The following THRB variants were observed in gnomAD, a reference collection of about 807,000 sequenced individuals.
The protein encoded by THRB is nuclear receptor subfamily 1 group A member 2.
A neutral mutation model predicts 47.8 loss-of-function variants in THRB; 12 were observed. That is an observed-to-expected ratio of 0.25 (90% CI 0.16 to 0.41). The LOEUF is 0.41. Ranked by LOEUF, THRB falls within the 10% of genes least tolerant of loss-of-function variation. THRB has a pLI of 1.00. For synonymous variants in THRB, 218 were observed against 212.2 expected (o/e 1.03, Z -0.24); for missense variants, 348 against 589.2 (o/e 0.59, Z 4.24).
At chr3:24,390,789 A>ATAT (rs2066499569) in intron 1 of THRB, among the ~76,000 whole-genome samples, 1 of 60,848 alleles carries the variant, frequency 1.6e-5, no homozygotes, top group South Asian at 6.5e-4. Context: ...CTTTGTAAAA[A>ATAT]AAAAAAAAAT....
At chr3:24,435,475 G>A (rs1418675126) in intron 1 of THRB, among the ~76,000 whole-genome samples, 1 of 152,098 alleles carries the variant, frequency 6.6e-6, no homozygotes, top group Admixed American at 6.6e-5. Context: ...ACAGAAATGG[G>A]CACCACAGAG....
intron 4 of THRB, 29 bp downstream of exon 4, chr3:24,228,909 A>G (rs760763084): frequency 6.2e-7 from 1 of 1,600,336 alleles, no homozygotes; most frequent in South Asian, 1.1e-5. Context: ...ATGGAGGCAC[A>G]CAAAGAAAAT....
At chr3:24,160,543 C>A (rs182764170) in intron 5 of THRB, among the ~76,000 whole-genome samples, 1 of 152,264 alleles carries the variant, frequency 6.6e-6, no homozygotes, top group Non-Finnish European at 1.5e-5. Flanking sequence ...TGAGGAAATT[C>A]TCTACAACAG....
At chr3:24,230,369 A>G (rs2048130558) in intron 3 of THRB, among the ~76,000 whole-genome samples, 1 of 152,230 alleles carries the variant, frequency 6.6e-6, no homozygotes, top group African/African-American at 2.4e-5. Flanking sequence ...GTACTCAACA[A>G]TATATGTTGA....
At chr3:24,451,346 G>A (rs1270505664) in intron 1 of THRB, among the ~76,000 whole-genome samples, 1 of 148,106 alleles carries the variant, frequency 6.8e-6, no homozygotes, top group African/African-American at 2.5e-5. Flanking sequence ...CGATTCTCCT[G>A]CCTCAGCCTC....
At chr3:24,485,656 C>A (rs1697183030) in intron 1 of THRB, among the ~76,000 whole-genome samples, 1 of 152,208 alleles carries the variant, frequency 6.6e-6, no homozygotes, top group South Asian at 2.1e-4. Context: ...GCTCCAATGG[C>A]CTCATTTATA....
At chr3:24,383,069 C>T (rs535363586) in intron 1 of THRB, among the ~76,000 whole-genome samples, 1 of 152,236 alleles carries the variant, frequency 6.6e-6, no homozygotes, top group East Asian at 1.9e-4. Context: ...AACTCACGTA[C>T]TCTTTTATGT....
intron 2 of THRB, among the ~76,000 whole-genome samples, chr3:24,303,106 C>T (rs1348778309): frequency 6.6e-6 from 1 of 152,208 alleles, no homozygotes; most frequent in Non-Finnish European, 1.5e-5. Flanking sequence ...CAACTAAAAT[C>T]ACAGGGACCC....
At chr3:24,468,536 AC>A (rs2074322373) in intron 1 of THRB, among the ~76,000 whole-genome samples, 1 of 152,184 alleles carries the variant, frequency 6.6e-6, no homozygotes, top group South Asian at 2.1e-4. Context: ...TTGTAGGGTT[AC>A]TAACTGGCCT....
chr3:24,323,501 T>C (rs971018483), intron 2 of THRB, among the ~76,000 whole-genome samples: 4 of 152,264 alleles, frequency 2.6e-5, no homozygotes, highest in Non-Finnish European at 4.4e-5. Context: ...GTACAGATTC[T>C]GATTCATTAG....
At chr3:24,331,267 T>A (rs991834853) in intron 2 of THRB, among the ~76,000 whole-genome samples, 23 of 150,762 alleles carry the variant, frequency 1.5e-4, no homozygotes, top group Non-Finnish European at 3.3e-4. Context: ...AATTAAAAAA[T>A]TAAAGACAAA....
chr3:24,377,479 A>G (rs1418461455), intron 1 of THRB, among the ~76,000 whole-genome samples: 1 of 152,080 alleles, frequency 6.6e-6, no homozygotes, highest in Non-Finnish European at 1.5e-5. Context: ...ACAGGAAGTG[A>G]GTCTGTTCTA....
chr3:24,438,527 G>GACA (rs2071211962), intron 1 of THRB, among the ~76,000 whole-genome samples: 1 of 151,530 alleles, frequency 6.6e-6, no homozygotes, highest in Non-Finnish European at 1.5e-5. Flanking sequence ...GTGTGTGTGT[G>GACA]TGTGTGTGTG....
chr3:24,479,446 G>T (rs1331415978), intron 1 of THRB, among the ~76,000 whole-genome samples: 1 of 152,220 alleles, frequency 6.6e-6, no homozygotes, highest in Non-Finnish European at 1.5e-5. Context: ...GAACACGGGG[G>T]CATGGTAGAG....
In THRB at chr3:24,118,052, C is replaced by G. The variant is rs375618611; in HGVS notation, c.*4832G>C. 1 of 152,270 alleles carries G rather than the reference C, an allele frequency of 6.6e-6. No homozygotes were observed. Among genetic ancestry groups the G allele is most frequent in the African/African-American group, 2.4e-5 (1 of 41,438 alleles). The allele number at this position is 152,270 out of a possible 1,614,324, so 9.4% of individuals were successfully genotyped here. A position where few individuals can be genotyped will look rare whatever the true frequency, so the allele number is the denominator to read the frequency against. ...AGTTTCTTCTCTCCCTCCATAGTTT[C>G]TTCTCAAGTAAATTTGCTTATTCTA... On this transcript the variant is annotated 3_prime_UTR_variant, in exon 11 of 11. Coordinates refer to ENST00000646209, the MANE Select transcript of THRB (RefSeq NM_001354712.2).
At chr3:24,128,512 A>C (rs751066080) in intron 9 of THRB, among the ~76,000 whole-genome samples, 2 of 152,256 alleles carry the variant, frequency 1.3e-5, no homozygotes, top group Non-Finnish European at 2.9e-5. Context: ...CGTTAATAAT[A>C]AAAAATACCT....
At chr3:24,327,382 A>G (rs2061664068) in intron 2 of THRB, among the ~76,000 whole-genome samples, 1 of 152,194 alleles carries the variant, frequency 6.6e-6, no homozygotes, top group Non-Finnish European at 1.5e-5. Flanking sequence ...CCTAATGGTA[A>G]GTGTTTAAAT....
At chr3:24,225,266 T>A (rs2047536498) in intron 4 of THRB, among the ~76,000 whole-genome samples, 1 of 152,148 alleles carries the variant, frequency 6.6e-6, no homozygotes, top group South Asian at 2.1e-4. Context: ...TGGGGTAACA[T>A]CTGAAAGCTC....
At chr3:24,200,052 T>C (rs1233937436) in intron 4 of THRB, among the ~76,000 whole-genome samples, 1 of 152,194 alleles carries the variant, frequency 6.6e-6, no homozygotes, top group African/African-American at 2.4e-5. Flanking sequence ...GTTGGATGAC[T>C]CAAACTTTGA....
Sources: allele counts gnomAD v4.1 joint callset (sites outside exome capture counted in the v4.1 genomes callset), GRCh38; gene constraint gnomAD v4.1.1; transcripts MANE v1.5; gene names NCBI Gene and HGNC (gene_info 2026-07-23, HGNC 2026-07-21).